FANCA: variants seen among roughly 807,000 people sequenced by gnomAD.
The protein encoded by FANCA is FA complementation group A, also known as Fanconi anemia group A protein.
Under a neutral mutation model 194.3 loss-of-function variants are expected in FANCA, and 236 were observed. That is an observed-to-expected ratio of 1.21 (90% CI 1.09 to 1.35). The LOEUF is 1.35. FANCA is among the 40% of genes most tolerant of loss of function. FANCA has a pLI of 0.00. For synonymous variants in FANCA, 1,014 were observed against 715.8 expected (o/e 1.42, Z -6.65); for missense variants, 2,628 against 1,813.9 (o/e 1.45, Z -8.15).
chr16:89,813,436 C>A (rs939306064), intron 3 of FANCA, among the ~76,000 whole-genome samples: 1 of 150,900 alleles, frequency 6.6e-6, no homozygotes, highest in Admixed American at 6.6e-5. Context: ...GTAGACAATG[C>A]CATTTTCTGT....
rs751989527 is a variant in FANCA at position 89,738,720 on chromosome 16, G to A, written c.4261-12C>T. The A allele has an allele frequency of 1.4e-5, 23 of 1,613,568 alleles. No individual in the cohort carries two copies. In the South Asian group the frequency reaches 2.1e-4, roughly 15 times the overall value. Reference sequence around the variant, plus strand: ...CGATCAGCCAGCAGCTGTGAGAGAGGAGCAGGTCCTCAGCCCATGCCGCCC... The same window carrying A: ...CGATCAGCCAGCAGCTGTGAGAGAGAAGCAGGTCCTCAGCCCATGCCGCCC... On this transcript the variant is annotated splice_polypyrimidine_tract_variant and intron_variant, in intron 42 of 42. Coordinates refer to ENST00000389301, the MANE Select transcript of FANCA (RefSeq NM_000135.4).
intron 5 of FANCA, among the ~76,000 whole-genome samples, chr16:89,809,800 C>G (rs2040805460): frequency 6.6e-6 from 1 of 151,576 alleles, no homozygotes; most frequent in Non-Finnish European, 1.5e-5. Flanking sequence ...TTGCGATAAG[C>G]CAAGATAGCA....
intron 12 of FANCA, 77 bp from the exon 13 acceptor site, chr16:89,792,145 G>C: frequency 6.4e-7 from 1 of 1,571,836 alleles, no homozygotes; most frequent in Non-Finnish European, 8.8e-7. Context: ...CTTCCTCCCA[G>C]CCGGTGGCCA....
intron 33 of FANCA, among the ~76,000 whole-genome samples, chr16:89,747,316 C>T (rs957894904): frequency 1.3e-5 from 2 of 152,218 alleles, no homozygotes; most frequent in Non-Finnish European, 2.9e-5. Context: ...TGAGAGCTTT[C>T]TGAAAAACAG....
In FANCA at chr16:89,738,091, G is replaced by A; in HGVS notation, c.*510C>T. On this transcript the variant is annotated 3_prime_UTR_variant, in exon 43 of 43. Transcript: ENST00000389301. ...CTGTGACCAGTGTGGCCGGCGGTTT[G>A]AGAAGGCCCACAACCTCAATGTACA... The A allele has an allele frequency of 1.2e-6, 2 of 1,614,044 alleles. No individual in the cohort carries two copies. Among genetic ancestry groups the A allele is most frequent in the Non-Finnish European group, 1.7e-6 (2 of 1,180,034 alleles).
At chr16:89,797,538 T>G (rs1457853556) in intron 10 of FANCA, among the ~76,000 whole-genome samples, 1 of 152,060 alleles carries the variant, frequency 6.6e-6, no homozygotes, top group Admixed American at 6.6e-5. Flanking sequence ...GCCCCCAGTG[T>G]GCAAGGGAAG....
chr16:89,764,492 G>GTTCACT (rs1267496991), intron 28 of FANCA, among the ~76,000 whole-genome samples: 1 of 152,156 alleles, frequency 6.6e-6, no homozygotes, highest in Non-Finnish European at 1.5e-5. Flanking sequence ...TCTTTGTAGA[G>GTTCACT]ATGGGGTTTC....
At chr16:89,778,696 A>T in intron 20 of FANCA, 105 bp downstream of exon 20, 1 of 1,086,568 alleles carries the variant, frequency 9.2e-7, no homozygotes, top group Non-Finnish European at 1.4e-6. Flanking sequence ...TTACCAATAA[A>T]ACACAATAGT....
intron 21 of FANCA, among the ~76,000 whole-genome samples, chr16:89,774,999 CAGG>C (rs2039453761): frequency 2.6e-5 from 4 of 151,728 alleles, no homozygotes; most frequent in Admixed American, 2.6e-4. Context: ...GAGGCTGAGG[CAGG>C]AGAACTGCTT....
intron 5 of FANCA, chr16:89,810,435 C>A (rs2040832125): frequency 2.5e-6 from 1 of 406,318 alleles, no homozygotes; most frequent in East Asian, 4.8e-5. Context: ...GAAAATTCTC[C>A]ATACTAATAT....
At chr16:89,739,857 T>TA in intron 39 of FANCA, 137 bp downstream of exon 39, 1 of 1,528,530 alleles carries the variant, frequency 6.5e-7, no homozygotes, top group Non-Finnish European at 8.8e-7. Context: ...AGTTTGTGCT[T>TA]AATCTGTCCC....
intron 14 of FANCA, 185 bp downstream of exon 14, chr16:89,791,218 G>T (rs2040064778): frequency 1.1e-5 from 8 of 748,358 alleles, no homozygotes; most frequent in South Asian, 1.6e-5. Flanking sequence ...ATCCGCTGAG[G>T]CCCCGACAGG....
Position 89,778,703 on chromosome 16 carries a change from T to C in FANCA, c.1826+98A>G, listed in dbSNP as rs11642010. ...CCAATATTTTACCAATAAAACACAA[T>C]AGTGGTCTAACAAATTTCTCTACAG... On this transcript the variant is annotated intron_variant, in intron 20 of 42. Transcript: ENST00000389301. The C allele has an allele frequency of 0.064, 61,516 of 961,756 alleles. 2,380 individuals are homozygous for C. Among genetic ancestry groups the C allele is most frequent in the Non-Finnish European group, 0.079 (48,103 of 611,180 alleles). The allele number at this position is 961,756 out of a possible 1,614,324, so 59.6% of individuals were successfully genotyped here.
chr16:89,774,334 G>A (rs1453339579), intron 21 of FANCA, among the ~76,000 whole-genome samples: 1 of 150,488 alleles, frequency 6.6e-6, no homozygotes, highest in Non-Finnish European at 1.5e-5. Context: ...GAGGATCCTG[G>A]GGGAAGGAGG....
chr16:89,798,855 C>T, intron 10 of FANCA: 1 of 1,525,856 alleles, frequency 6.6e-7, no homozygotes, highest in East Asian at 2.3e-5. Flanking sequence ...GAAGGAGGAG[C>T]AAGGGGAGAC....
intron 28 of FANCA, 50 bp from the exon 29 acceptor site, chr16:89,762,072 C>A (rs773430730): frequency 7.0e-7 from 1 of 1,419,466 alleles, no homozygotes. Flanking sequence ...AACACACAAT[C>A]CACCGACAGG....
intron 29 of FANCA, among the ~76,000 whole-genome samples, chr16:89,759,147 C>T (rs897556352): frequency 1.3e-5 from 2 of 151,082 alleles, no homozygotes; most frequent in African/African-American, 2.4e-5. Context: ...GGTGAAACCT[C>T]GTCTCTACTC....
intron 6 of FANCA, among the ~76,000 whole-genome samples, chr16:89,807,384 G>A (rs922900110): frequency 2.6e-5 from 4 of 151,856 alleles, no homozygotes; most frequent in Non-Finnish European, 4.4e-5. Context: ...AATCCGGGAA[G>A]CGGAGGTTGC....
chr16:89,799,028 A>C (rs1478191839), intron 10 of FANCA, 138 bp downstream of exon 10: 1 of 1,614,218 alleles, frequency 6.2e-7, no homozygotes. Context: ...CTCCTCACGC[A>C]CGTTATCGTA....
Sources: gnomAD v4.1 joint callset for allele counts (sites outside exome capture counted in the v4.1 genomes callset) on GRCh38, gnomAD v4.1.1 for gene constraint, MANE v1.5 for transcripts, NCBI Gene and HGNC (gene_info 2026-07-23, HGNC 2026-07-21) for gene names.